Variants in EIPR1 observed in about 807,000 individuals in gnomAD.
EIPR1 encodes the protein EARP complex and GARP complex interacting protein 1, also known as EARP and GARP complex-interacting protein 1.
Under a neutral mutation model 48.1 loss-of-function variants are expected in EIPR1, and 25 were observed. That is an observed-to-expected ratio of 0.52 (90% confidence interval 0.38 to 0.73). The LOEUF is 0.73. Among genes scored for constraint, EIPR1 ranks in the 30% least tolerant of loss-of-function variants. EIPR1 has a pLI of 0.00. For missense variants in EIPR1, 415 were observed against 506.2 expected (o/e 0.82, Z 1.73); for synonymous variants, 204 against 201.9 (o/e 1.01, Z -0.09).
intron 4 of EIPR1, among the ~76,000 whole-genome samples, chr2:3,256,386 T>C (rs1336801025): frequency 6.6e-6 from 1 of 152,178 alleles, no homozygotes; most frequent in Non-Finnish European, 1.5e-5. Flanking sequence ...CAGTTAGTTG[T>C]GTACACCCTG....
chr2:3,222,005 G>A (rs1263437519), intron 4 of EIPR1, among the ~76,000 whole-genome samples: 2 of 148,532 alleles, frequency 1.3e-5, no homozygotes, highest in South Asian at 2.3e-4. Flanking sequence ...TTTTTTGTTT[G>A]TTTCACAAGA....
chr2:3,262,944 C>A (rs915262033), intron 3 of EIPR1, among the ~76,000 whole-genome samples: 3 of 152,174 alleles, frequency 2.0e-5, no homozygotes, highest in African/African-American at 7.2e-5. Context: ...CCAGAGGGCA[C>A]CAGAAAACTG....
intron 4 of EIPR1, among the ~76,000 whole-genome samples, chr2:3,252,242 C>T (rs756467998): frequency 3.9e-5 from 6 of 152,176 alleles, no homozygotes; most frequent in African/African-American, 9.7e-5. Context: ...GAACACCACA[C>T]GTGAGTGAGA....
At chr2:3,298,501 C>T (rs1668668005) in intron 3 of EIPR1, 1 of 151,924 alleles carries the variant, frequency 6.6e-6, no homozygotes, top group Non-Finnish European at 1.5e-5. Flanking sequence ...TTATGGCCTC[C>T]AAAGTCATCC....
chr2:3,230,781 T>A (rs1349087177), intron 4 of EIPR1, among the ~76,000 whole-genome samples: 1 of 152,210 alleles, frequency 6.6e-6, no homozygotes, highest in East Asian at 1.9e-4. Flanking sequence ...AATTAGGAAG[T>A]GGAATGTCTT....
chr2:3,259,799 T>C (rs891912757), intron 3 of EIPR1, among the ~76,000 whole-genome samples: 2 of 152,212 alleles, frequency 1.3e-5, no homozygotes, highest in Non-Finnish European at 2.9e-5. Context: ...CTTGTTTTAC[T>C]ACAAAAATAA....
chr2:3,254,660 G>A (rs1247086655), intron 4 of EIPR1, among the ~76,000 whole-genome samples: 1 of 152,214 alleles, frequency 6.6e-6, no homozygotes, highest in African/African-American at 2.4e-5. Flanking sequence ...TAACAATACA[G>A]AGATAGAGTA....
intron 4 of EIPR1, among the ~76,000 whole-genome samples, chr2:3,252,948 G>A (rs981334077): frequency 6.6e-6 from 1 of 152,224 alleles, no homozygotes; most frequent in Non-Finnish European, 1.5e-5. Flanking sequence ...CCTAGCCAGG[G>A]CTCTTTTAAA....
chr2:3,256,720 C>G (rs997480635), intron 4 of EIPR1, among the ~76,000 whole-genome samples: 1 of 152,236 alleles, frequency 6.6e-6, no homozygotes, highest in African/African-American at 2.4e-5. Flanking sequence ...TCAGGGCCTT[C>G]AGAGAGCAGC....
At chr2:3,224,697 G>A (rs532217209) in intron 4 of EIPR1, among the ~76,000 whole-genome samples, 2 of 152,210 alleles carry the variant, frequency 1.3e-5, no homozygotes, top group African/African-American at 4.8e-5. Context: ...CAACATCCCA[G>A]CATGGACATC....
chr2:3,269,294 G>GGCACTCAGTCATC (rs1558263195), intron 3 of EIPR1, among the ~76,000 whole-genome samples: 46 of 59,930 alleles, frequency 7.7e-4, no homozygotes, highest in South Asian at 2.4e-3. Context: ...ACTCAGTCAT[G>GGCACTCAGTCATC]GCACTCAGTC....
At chr2:3,349,058 C>T (rs185656916) in intron 2 of EIPR1, among the ~76,000 whole-genome samples, 2 of 152,210 alleles carry the variant, frequency 1.3e-5, no homozygotes, top group African/African-American at 4.8e-5. Context: ...GGCAACAGCA[C>T]GGGTGCACCC....
chr2:3,228,836 A>T (rs1666149679), intron 4 of EIPR1, among the ~76,000 whole-genome samples: 1 of 152,182 alleles, frequency 6.6e-6, no homozygotes, highest in Non-Finnish European at 1.5e-5. Context: ...TCTGTGAAGA[A>T]GGTGCCTGCT....
chr2:3,221,846 T>G (rs1665904617), intron 4 of EIPR1, among the ~76,000 whole-genome samples: 1 of 152,232 alleles, frequency 6.6e-6, no homozygotes, highest in Non-Finnish European at 1.5e-5. Flanking sequence ...AGATACACTC[T>G]AGAGCATTTA....
chr2:3,283,413 G>A (rs1281380953), intron 3 of EIPR1, among the ~76,000 whole-genome samples: 1 of 152,184 alleles, frequency 6.6e-6, no homozygotes, highest in Non-Finnish European at 1.5e-5. Flanking sequence ...GCAGGTGGCG[G>A]GGCCACTCCT....
At chr2:3,275,019 A>G (rs192486169) in intron 3 of EIPR1, among the ~76,000 whole-genome samples, 79 of 152,260 alleles carry the variant, frequency 5.2e-4, no homozygotes, top group Non-Finnish European at 2.9e-5. Context: ...ATAAAGTAAG[A>G]TGAAAGAAAG....
rs1668746627 is a variant in EIPR1 at position 3,300,973 on chromosome 2, T to G, written c.259+37044A>C. On this transcript the variant is annotated intron_variant, in intron 3 of 8. Coordinates refer to ENST00000382125, the MANE Select transcript of EIPR1 (RefSeq NM_003310.5). Reference sequence around the variant, plus strand: ...TAGTCAAAAATCTCAGAGGCCAGCCTGATGAATGAAAAAGATGATTCATAG... The same window carrying G: ...TAGTCAAAAATCTCAGAGGCCAGCCGGATGAATGAAAAAGATGATTCATAG... 3.9e-5 allele frequency: 6 copies of G among 152,136 alleles called. No individual in the cohort carries two copies. In the South Asian group the frequency reaches 1.2e-3, roughly 31 times the overall value. The allele number at this position is 152,136 out of a possible 1,614,324, so 9.4% of individuals were successfully genotyped here.
At position 3,374,072 on chromosome 2, in the gene EIPR1, C is replaced by A. The variant is rs1051832817; in HGVS notation, c.42+3576G>T. Among the ~76,000 whole-genome samples, 19 of 143,198 alleles carry A rather than the reference C, an allele frequency of 1.3e-4. 1 individual carries two copies. The highest frequency in any genetic ancestry group is 9.0e-4 in the South Asian group (4 of 4,442). 93.9% of individuals were successfully genotyped at this position (143,198 alleles called of 152,430 possible). A position where few individuals can be genotyped will look rare whatever the true frequency, so the allele number is the denominator to read the frequency against. On this transcript the variant is annotated intron_variant, in intron 1 of 8. Coordinates refer to ENST00000382125, the MANE Select transcript of EIPR1 (RefSeq NM_003310.5). ...CAGAACAGAGCCCTCAGAAATAATGCCGCATATCTACAACTATCTGATCTT... is the reference window on the plus strand; with the variant it reads ...CAGAACAGAGCCCTCAGAAATAATGACGCATATCTACAACTATCTGATCTT...
intron 8 of EIPR1, among the ~76,000 whole-genome samples, chr2:3,191,453 G>C (rs1033032408): frequency 3.3e-5 from 5 of 152,202 alleles, no homozygotes; most frequent in East Asian, 1.9e-4. Context: ...CTGCAGAGAG[G>C]GTCTGAAGAA....
Sources: allele counts gnomAD v4.1 joint callset (sites outside exome capture counted in the v4.1 genomes callset), GRCh38; gene constraint gnomAD v4.1.1; transcripts MANE v1.5; gene names NCBI Gene and HGNC (gene_info 2026-07-23, HGNC 2026-07-21).